Variants in TTPA observed in about 807,000 individuals in gnomAD.
The protein encoded by TTPA is alpha tocopherol transfer protein, also known as alpha-tocopherol transfer protein.
In TTPA, 23 loss-of-function variants were observed where a neutral mutation model predicts 25.9. The ratio of observed to expected loss-of-function variants is 0.89; its 90% confidence interval spans 0.64 to 1.26. The LOEUF (loss-of-function observed/expected upper bound fraction) is 1.26, where lower values mean the gene tolerates loss of function less well. Ranked by LOEUF, TTPA falls within the 50% of genes most tolerant of loss-of-function variation. The pLI is 0.00. For missense variants in TTPA, 337 were observed against 353.1 expected (o/e 0.95, Z 0.37); for synonymous variants, 148 against 137.3 (o/e 1.08, Z -0.54).
intron 1 of TTPA, among the ~76,000 whole-genome samples, chr8:63,075,593 G>A (rs1303118580): frequency 6.6e-6 from 1 of 151,508 alleles, no homozygotes; most frequent in Non-Finnish European, 1.5e-5. Context: ...TGCGTGCTCA[G>A]GAGGCTGAGG....
chr8:63,073,295 C>A (rs1178876885), intron 1 of TTPA, among the ~76,000 whole-genome samples: 1 of 152,102 alleles, frequency 6.6e-6, no homozygotes, highest in East Asian at 1.9e-4. Flanking sequence ...CAGAGCTGAG[C>A]AACTTTCATT....
intron 1 of TTPA, among the ~76,000 whole-genome samples, chr8:63,077,106 C>T (rs1805575305): frequency 6.6e-6 from 1 of 151,952 alleles, no homozygotes; most frequent in Non-Finnish European, 1.5e-5. Flanking sequence ...AGATAAAAAT[C>T]AAGGACAAAG....
At chr8:63,084,387 G>A (rs1283470622) in intron 1 of TTPA, among the ~76,000 whole-genome samples, 2 of 152,172 alleles carry the variant, frequency 1.3e-5, no homozygotes, top group African/African-American at 4.8e-5. Flanking sequence ...TGCATCTTGT[G>A]TACTACTAGG....
In TTPA at chr8:63,085,933, G is replaced by C; in HGVS notation, c.89C>G (p.Ala30Gly). Residue 30 changes from alanine to glycine, a missense_variant, in exon 1 of 5, where the codon GCG becomes GGG. Physicochemically the swap from Ala to Gly is moderately conservative, Grantham distance 60. Transcript: ENST00000260116. ...HSPLLQPGLAALRRRAREAGV... is the reference protein window; with the variant it reads ...HSPLLQPGLAGLRRRAREAGV... ...AGCTTCCCGGGCCCGGCGCCGCAGC[G>C]CCGCCAGGCCCGGCTGCAGCAACGG... 1 of 1,518,800 alleles carries C rather than the reference G, an allele frequency of 6.6e-7. No individual in the cohort carries two copies. The highest frequency in any genetic ancestry group is 1.2e-5 in the South Asian group (1 of 82,262). The allele number at this position is 1,518,800 out of a possible 1,614,324, so 94.1% of individuals were successfully genotyped here.
rs908769338 is a variant in TTPA, at chr8:63,060,918, T to C, written c.*334A>G. 1.0e-5 allele frequency: 2 copies of C among 195,336 alleles called. No individual in the cohort carries two copies. Among genetic ancestry groups the C allele is most frequent in the Admixed American group, 5.4e-5 (1 of 18,620 alleles). The allele number at this position is 195,336 out of a possible 1,614,324, so 12.1% of individuals were successfully genotyped here. On this transcript the variant is annotated 3_prime_UTR_variant, in exon 5 of 5. Transcript: ENST00000260116. ...TTCTAAACCAATTTAATCAGAGAAC[T>C]TGTTTAAAATATAACTTTCTAGAAA...
At chr8:63,067,529 T>C (rs891276549) in intron 2 of TTPA, among the ~76,000 whole-genome samples, 1 of 128,276 alleles carries the variant, frequency 7.8e-6, no homozygotes, top group Non-Finnish European at 1.7e-5. Context: ...AACTAAGCAA[T>C]AGTAAATTTT....
At chr8:63,073,236 G>A in intron 1 of TTPA, 148 bp from the exon 2 acceptor site, 3 of 707,636 alleles carry the variant, frequency 4.2e-6, no homozygotes, top group Non-Finnish European at 7.1e-6. Flanking sequence ...TGTGAAAACT[G>A]AAAGTTCTTT....
intron 1 of TTPA, among the ~76,000 whole-genome samples, chr8:63,080,735 AT>A (rs200078154): frequency 1.9e-4 from 26 of 134,632 alleles, no homozygotes; most frequent in East Asian, 3.9e-4. Context: ...AAAAAAAAAA[AT>A]AAATAATAAT....
chr8:63,063,291 G>A lies in TTPA; in HGVS notation c.663+915C>T, dbSNP rs115070275. 9.8e-3 allele frequency among the ~76,000 whole-genome samples: 1,485 copies of A among 152,152 alleles called. 22 individuals are homozygous for A. The highest frequency in any genetic ancestry group is 0.033 in the African/African-American group (1,373 of 41,492). The stretch of plus-strand genomic sequence containing the variant: ...TAGAATGGTTGCCATTCTTGAGAAC[G>A]CAGACTCTATTTTCAACCTTTCAAA... On this transcript the variant is annotated intron_variant, in intron 4 of 4. Transcript: ENST00000260116.
At chr8:63,082,812 A>C (rs1035126195) in intron 1 of TTPA, among the ~76,000 whole-genome samples, 1 of 152,196 alleles carries the variant, frequency 6.6e-6, no homozygotes, top group Non-Finnish European at 1.5e-5. Context: ...CAACCCCATC[A>C]AAAAGTGGGT....
At chr8:63,072,897 AG>A in intron 2 of TTPA, 37 bp downstream of exon 2, 2 of 1,611,822 alleles carry the variant, frequency 1.2e-6, no homozygotes, top group Non-Finnish European at 1.7e-6. Flanking sequence ...ACTGAACTGG[AG>A]GAGAGGAGAA....
intron 1 of TTPA, among the ~76,000 whole-genome samples, chr8:63,074,956 A>G (rs1805539343): frequency 6.6e-6 from 1 of 152,220 alleles, no homozygotes; most frequent in African/African-American, 2.4e-5. Context: ...ACCAACTGGA[A>G]CCACACACTT....
rs763547612 is a variant in TTPA at position 63,060,194 on chromosome 8, CAAGT to C, written c.*1054_*1057del. The stretch of plus-strand genomic sequence containing the variant: ...AACTAAAAACAGTCCATGTATAAGA[CAAGT>C]AAGTATGATTCCATCCCTTTCCGTG... On this transcript the variant is annotated 3_prime_UTR_variant, in exon 5 of 5. Transcript: ENST00000260116. 2.0e-4 allele frequency: 31 copies of C among 152,166 alleles called. No homozygotes were observed. Among genetic ancestry groups the C allele is most frequent in the Non-Finnish European group, 4.0e-4 (27 of 68,044 alleles). The allele number at this position is 152,166 out of a possible 1,614,324, so 9.4% of individuals were successfully genotyped here. A position where few individuals can be genotyped will look rare whatever the true frequency, so the allele number is the denominator to read the frequency against.
chr8:63,074,385 C>G (rs1563363713), intron 1 of TTPA, among the ~76,000 whole-genome samples: 1 of 152,198 alleles, frequency 6.6e-6, no homozygotes, highest in African/African-American at 2.4e-5. Flanking sequence ...TTATCTCCCT[C>G]TCTTTCTCTC....
intron 1 of TTPA, among the ~76,000 whole-genome samples, chr8:63,084,459 T>G (rs1318539347): frequency 6.6e-6 from 1 of 152,148 alleles, no homozygotes; most frequent in Admixed American, 6.5e-5. Context: ...AAGCCCTAAG[T>G]CCAATAACAG....
intron 1 of TTPA, among the ~76,000 whole-genome samples, chr8:63,078,803 C>A (rs1445051358): frequency 6.6e-6 from 1 of 152,120 alleles, no homozygotes; most frequent in Admixed American, 6.5e-5. Flanking sequence ...CCTAGCAAGT[C>A]AGGCCAACAA....
Position 63,061,281 on chromosome 8 carries a change from G to A in TTPA, c.808C>T (p.Leu270Phe), listed in dbSNP as rs753816824. ...TGAATGCTCTCAGAAATGCTGCTGA[G>A]ATAATCTTCAGACTTCATTATAAAA... ...TNFIMKSEDY[L>F]SSISESIQ Residue 270 changes from leucine (L) to phenylalanine (F), a missense_variant, in exon 5 of 5, where the codon CTC becomes TTC. Physicochemically the swap from Leu to Phe is conservative, Grantham distance 22. Coordinates refer to ENST00000260116, the MANE Select transcript of TTPA (RefSeq NM_000370.3). 3.7e-6 allele frequency: 6 copies of A among 1,613,776 alleles called. No homozygotes were observed. The highest frequency in any genetic ancestry group is 1.7e-5 in the Admixed American group (1 of 60,026).
chr8:63,082,706 A>T (rs1347563114), intron 1 of TTPA, among the ~76,000 whole-genome samples: 1 of 152,242 alleles, frequency 6.6e-6, no homozygotes, highest in African/African-American at 2.4e-5. Context: ...TGAAGAGGCA[A>T]CCTACAGAAT....
intron 1 of TTPA, among the ~76,000 whole-genome samples, chr8:63,077,673 G>T (rs1198709241): frequency 6.6e-6 from 1 of 152,212 alleles, no homozygotes; most frequent in South Asian, 2.1e-4. Flanking sequence ...GAACTGGGTG[G>T]AGCCCACTGC....
Sources: gnomAD v4.1 joint callset for allele counts (sites outside exome capture counted in the v4.1 genomes callset) on GRCh38, gnomAD v4.1.1 for gene constraint, MANE v1.5 for transcripts, NCBI Gene and HGNC (gene_info 2026-07-23, HGNC 2026-07-21) for gene names.